EXOC6B: variants seen among roughly 807,000 people sequenced by gnomAD.
The protein encoded by EXOC6B is SEC15 homolog B.
In EXOC6B, 54 loss-of-function variants were observed where a neutral mutation model predicts 113.5. The observed-to-expected ratio is 0.48, with a 90% CI of 0.38 to 0.60. The LOEUF (loss-of-function observed/expected upper bound fraction) is 0.60, where lower values mean the gene tolerates loss of function less well. EXOC6B is among the 20% of genes least tolerant of loss of function. The pLI is 0.00. For synonymous variants in EXOC6B, 357 were observed against 339.0 expected (o/e 1.05, Z -0.58); for missense variants, 797 against 977.5 (o/e 0.82, Z 2.46).
intron 8 of EXOC6B, among the ~76,000 whole-genome samples, chr2:72,543,180 A>G (rs1158219311): frequency 1.3e-5 from 2 of 152,100 alleles, no homozygotes; most frequent in Non-Finnish European, 1.5e-5. Context: ...GGAGGAAAAG[A>G]ACAACCAGAA....
chr2:72,773,736 T>G (rs1161810404), intron 1 of EXOC6B, among the ~76,000 whole-genome samples: 1 of 152,204 alleles, frequency 6.6e-6, no homozygotes, highest in Non-Finnish European at 1.5e-5. Flanking sequence ...TTTGTGAAAG[T>G]CTCTTTAATG....
At chr2:72,291,520 T>A (rs1685792150) in intron 20 of EXOC6B, among the ~76,000 whole-genome samples, 1 of 152,216 alleles carries the variant, frequency 6.6e-6, no homozygotes. Flanking sequence ...TTTTCCAGCT[T>A]TCATAAACAA....
intron 6 of EXOC6B, among the ~76,000 whole-genome samples, chr2:72,579,724 TAAG>T (rs1705082066): frequency 6.6e-6 from 1 of 152,126 alleles, no homozygotes; most frequent in Non-Finnish European, 1.5e-5. Context: ...TTAAAAATAA[TAAG>T]AATCAAAAGC....
chr2:72,615,889 A>G (rs1671361274), intron 6 of EXOC6B, among the ~76,000 whole-genome samples: 1 of 152,180 alleles, frequency 6.6e-6, no homozygotes, highest in Non-Finnish European at 1.5e-5. Context: ...CAAAATGTGA[A>G]GGTGGAAAAC....
intron 20 of EXOC6B, among the ~76,000 whole-genome samples, chr2:72,236,657 G>C (rs554216236): frequency 3.9e-5 from 6 of 152,108 alleles, no homozygotes; most frequent in Non-Finnish European, 5.9e-5. Context: ...AGGCAAAGTG[G>C]CTGAAATTTT....
At chr2:72,756,960 C>A (rs367799749) in intron 1 of EXOC6B, among the ~76,000 whole-genome samples, 2 of 152,074 alleles carry the variant, frequency 1.3e-5, no homozygotes, top group East Asian at 3.8e-4. Context: ...TAATTCAATT[C>A]TATAGAAAAC....
chr2:72,732,494 T>C (rs542799936), intron 3 of EXOC6B, among the ~76,000 whole-genome samples: 1 of 152,172 alleles, frequency 6.6e-6, no homozygotes, highest in African/African-American at 2.4e-5. Context: ...AAATATTTGT[T>C]GAGCATCCAC....
At chr2:72,734,772 G>A (rs923147495) in intron 2 of EXOC6B, among the ~76,000 whole-genome samples, 3 of 152,158 alleles carry the variant, frequency 2.0e-5, no homozygotes, top group African/African-American at 7.2e-5. Flanking sequence ...TTTACAAGCT[G>A]AAGCATGGTT....
intron 20 of EXOC6B, among the ~76,000 whole-genome samples, chr2:72,267,019 T>C (rs1684147574): frequency 6.6e-6 from 1 of 152,218 alleles, no homozygotes; most frequent in Non-Finnish European, 1.5e-5. Context: ...CTTGAAGCAA[T>C]TGTGATTGGG....
chr2:72,619,154 G>A (rs564041343), intron 6 of EXOC6B, among the ~76,000 whole-genome samples: 120 of 151,430 alleles, frequency 7.9e-4, no homozygotes, highest in Middle Eastern at 6.8e-3. Context: ...GCCAGCCTAA[G>A]AACAAAGACA....
chr2:72,244,116 A>T (rs762184324), intron 20 of EXOC6B, among the ~76,000 whole-genome samples: 1 of 152,214 alleles, frequency 6.6e-6, no homozygotes, highest in Non-Finnish European at 1.5e-5. Context: ...TCAAAGTCAT[A>T]CAGAATATTC....
At chr2:72,787,952 G>T (rs928208873) in intron 1 of EXOC6B, among the ~76,000 whole-genome samples, 4 of 152,136 alleles carry the variant, frequency 2.6e-5, no homozygotes, top group African/African-American at 9.7e-5. Flanking sequence ...ATGAATAAAA[G>T]ACTTTTTTTA....
intron 1 of EXOC6B, among the ~76,000 whole-genome samples, chr2:72,797,606 G>C (rs558677056): frequency 6.6e-6 from 1 of 152,102 alleles, no homozygotes; most frequent in Admixed American, 6.5e-5. Context: ...TTGAGGTTGG[G>C]CGCTTGAGAC....
intron 6 of EXOC6B, among the ~76,000 whole-genome samples, chr2:72,576,222 G>C (rs929364355): frequency 2.6e-5 from 4 of 152,046 alleles, no homozygotes; most frequent in African/African-American, 7.2e-5. Flanking sequence ...TCTTCAGTAA[G>C]TGATTTGAAC....
intron 20 of EXOC6B, among the ~76,000 whole-genome samples, chr2:72,281,759 C>A (rs1317261640): frequency 1.3e-5 from 2 of 152,136 alleles, no homozygotes; most frequent in Non-Finnish European, 2.9e-5. Context: ...AAACCCTACA[C>A]AGGAAAAACA....
chr2:72,699,475 C>A (rs1458063942), intron 6 of EXOC6B, among the ~76,000 whole-genome samples: 1 of 141,286 alleles, frequency 7.1e-6, no homozygotes. Flanking sequence ...GAGACTCCGT[C>A]TCAAAAAAAA....
rs562773969 is a variant in EXOC6B, at chr2:72,782,644, C to T, written c.114-41175G>A. ...AAACTTATTCCTTCTAACTGTGTAT[C>T]GGTACCCATTAACCAGCTTCTTTTT... On this transcript the variant is annotated intron_variant, in intron 1 of 21. Coordinates refer to ENST00000272427, the MANE Select transcript of EXOC6B (RefSeq NM_015189.3). Among the ~76,000 whole-genome samples the T allele has an allele frequency of 4.6e-5, 7 of 152,244 alleles. No individual in the cohort carries two copies. The East Asian group carries it at 7.7e-4, about 17-fold the overall frequency.
intron 6 of EXOC6B, among the ~76,000 whole-genome samples, chr2:72,662,417 A>G (rs1370749708): frequency 2.6e-5 from 4 of 152,220 alleles, no homozygotes; most frequent in African/African-American, 9.6e-5. Context: ...ATATCTGGCA[A>G]AGGACTTGTA....
chr2:72,769,209 G>A (rs1318639673), intron 1 of EXOC6B, among the ~76,000 whole-genome samples: 1 of 152,122 alleles, frequency 6.6e-6, no homozygotes, highest in African/African-American at 2.4e-5. Context: ...AAATGCTAAA[G>A]GGAGTTCTGC....
Sources: gnomAD v4.1 joint callset for allele counts (sites outside exome capture counted in the v4.1 genomes callset) on GRCh38, gnomAD v4.1.1 for gene constraint, MANE v1.5 for transcripts, NCBI Gene and HGNC (gene_info 2026-07-23, HGNC 2026-07-21) for gene names.